The following EHBP1 variants were observed in gnomAD, a reference collection of about 807,000 sequenced individuals.
EHBP1 encodes the protein EH domain-binding protein 1.
In EHBP1, 55 loss-of-function variants were observed where a neutral mutation model predicts 144.0. That is an observed-to-expected ratio of 0.38 (90% CI 0.31 to 0.48). The LOEUF is 0.48. EHBP1 is among the 20% of genes least tolerant of loss of function. EHBP1 has a pLI of 0.98. For synonymous variants in EHBP1, 469 were observed against 472.7 expected, an observed-to-expected ratio of 0.99 and a Z score of 0.10; for missense variants, 1,200 against 1,364.2, an observed-to-expected ratio of 0.88 and a Z score of 1.90.
At chr2:62,780,761 A>C (rs2042367781) in intron 5 of EHBP1, among the ~76,000 whole-genome samples, 1 of 152,222 alleles carries the variant, frequency 6.6e-6, no homozygotes, top group Non-Finnish European at 1.5e-5. Flanking sequence ...AATTTATTTC[A>C]CATAGCAGTT....
At chr2:62,866,090 C>G (rs1292119745) in intron 9 of EHBP1, among the ~76,000 whole-genome samples, 1 of 152,200 alleles carries the variant, frequency 6.6e-6, no homozygotes, top group Admixed American at 6.5e-5. Context: ...TGTGTTCCCA[C>G]CAGCCAGAAA....
At position 62,943,850 on chromosome 2, in the gene EHBP1, G is replaced by A; in HGVS notation, c.1413G>A (p.Lys471=). Residue 471 remains lysine, a splice_region_variant and synonymous_variant, in exon 12 of 23, where the codon AAG becomes AAA. Coordinates refer to ENST00000431489, the MANE Select transcript of EHBP1 (RefSeq NM_001142616.3). ...NPQDIKENNK[K]AYDGFASIGI... ...AAGATATTAAAGAGAACAACAAAAA[G>A]GTAAGAATTGATGAGCAAGAAAAAT... 6.2e-7 allele frequency: 1 copy of A among 1,600,376 alleles called. No individual in the cohort carries two copies. Among genetic ancestry groups the A allele is most frequent in the Non-Finnish European group, 8.5e-7 (1 of 1,171,768 alleles).
intron 10 of EHBP1, among the ~76,000 whole-genome samples, chr2:62,935,285 T>C (rs1468989207): frequency 6.8e-6 from 1 of 146,556 alleles, no homozygotes; most frequent in East Asian, 2.0e-4. Context: ...GCCAAGATCG[T>C]GCCAGTGCAC....
At chr2:62,903,675 A>G (rs749333628) in intron 10 of EHBP1, among the ~76,000 whole-genome samples, 12 of 152,090 alleles carry the variant, frequency 7.9e-5, no homozygotes, top group Non-Finnish European at 1.6e-4. Context: ...CTGAGGCTAG[A>G]GGATTGCTTG....
At chr2:62,741,124 C>A (rs988458283) in intron 2 of EHBP1, among the ~76,000 whole-genome samples, 2 of 152,100 alleles carry the variant, frequency 1.3e-5, no homozygotes, top group Admixed American at 6.6e-5. Flanking sequence ...ACTATGCCCT[C>A]CTCTCTGTTC....
At chr2:62,675,690 A>G (rs1407041790) in intron 1 of EHBP1, among the ~76,000 whole-genome samples, 1 of 152,012 alleles carries the variant, frequency 6.6e-6, no homozygotes, top group Non-Finnish European at 1.5e-5. Context: ...AGAAGGAAGA[A>G]CCCATGGAGA....
chr2:62,870,811 A>G (rs2050420749), intron 9 of EHBP1, among the ~76,000 whole-genome samples: 1 of 150,610 alleles, frequency 6.6e-6, no homozygotes, highest in Non-Finnish European at 1.5e-5. Flanking sequence ...GAGAAAATTG[A>G]CTTGTTTTCT....
Position 62,706,924 on chromosome 2 carries a change from C to T in EHBP1, c.-268C>T, listed in dbSNP as rs2034649713. 2.6e-6 allele frequency: 1 copy of T among 380,008 alleles called. No individual in the cohort carries two copies. The highest frequency in any genetic ancestry group is 2.0e-5 in the African/African-American group (1 of 49,136). 23.5% of individuals were successfully genotyped at this position (380,008 alleles called of 1,614,324 possible). On this transcript the variant is annotated 5_prime_UTR_variant, in exon 2 of 23. Coordinates refer to ENST00000431489, the MANE Select transcript of EHBP1 (RefSeq NM_001142616.3). ...CTCCAGAATACCCATCATATAGCCC[C>T]TGAGGTGGCATGGTGATGTCTCCAT... is the stretch of plus-strand genomic sequence containing the variant.
At chr2:62,991,841 A>G (rs1036617447) in intron 16 of EHBP1, among the ~76,000 whole-genome samples, 12 of 152,176 alleles carry the variant, frequency 7.9e-5, no homozygotes, top group Non-Finnish European at 1.8e-4. Flanking sequence ...GTCCCAAAAC[A>G]ATGACTTTCA....
chr2:62,831,344 C>T (rs1368345777), intron 7 of EHBP1, among the ~76,000 whole-genome samples, 186 bp downstream of exon 7: 6 of 151,910 alleles, frequency 3.9e-5, no homozygotes, highest in Non-Finnish European at 7.4e-5. Context: ...TAGATTTTAG[C>T]AGTTTGAGAT....
At chr2:62,949,479 A>G (rs1019327878) in intron 13 of EHBP1, among the ~76,000 whole-genome samples, 3 of 152,158 alleles carry the variant, frequency 2.0e-5, no homozygotes, top group Non-Finnish European at 4.4e-5. Flanking sequence ...AAAAATCCCA[A>G]TTTCAACACT....
chr2:62,797,242 C>T (rs1358189091), intron 5 of EHBP1, among the ~76,000 whole-genome samples: 1 of 152,140 alleles, frequency 6.6e-6, no homozygotes, highest in Non-Finnish European at 1.5e-5. Context: ...CGTGCAGCAA[C>T]CTGGTGGTAG....
chr2:62,755,646 G>A (rs145157545), intron 3 of EHBP1, among the ~76,000 whole-genome samples: 2 of 152,236 alleles, frequency 1.3e-5, no homozygotes, highest in African/African-American at 4.8e-5. Flanking sequence ...TAAAGCATAT[G>A]TTTATAGTTT....
chr2:62,711,722 T>C lies in EHBP1; in HGVS notation c.104+4427T>C, dbSNP rs77982005. Among the ~76,000 whole-genome samples the C allele has an allele frequency of 5.3e-3, 800 of 151,954 alleles. 9 individuals carry two copies. Among genetic ancestry groups the C allele is most frequent in the African/African-American group, 0.018 (737 of 41,416 alleles). ...AAAGGAGACAGGAAACAAGCAGTAG[T>C]GAGATAGGAAAATTGGGAGAGCGTG... is the stretch of plus-strand genomic sequence containing the variant. On this transcript the variant is annotated intron_variant, in intron 2 of 22. Coordinates refer to ENST00000431489, the MANE Select transcript of EHBP1 (RefSeq NM_001142616.3).
At chr2:62,963,049 A>G (rs1473677445) in intron 14 of EHBP1, among the ~76,000 whole-genome samples, 1 of 152,214 alleles carries the variant, frequency 6.6e-6, no homozygotes, top group Non-Finnish European at 1.5e-5. Context: ...AAAGACCTGA[A>G]GGAACGTTTG....
intron 21 of EHBP1, among the ~76,000 whole-genome samples, chr2:63,041,612 AC>A (rs2061662719): frequency 6.6e-6 from 1 of 152,054 alleles, no homozygotes; most frequent in African/African-American, 2.4e-5. Context: ...ATCCCCTAAA[AC>A]CCCATTTGTA....
At chr2:62,971,752 G>A (rs1170520998) in intron 14 of EHBP1, among the ~76,000 whole-genome samples, 1 of 152,148 alleles carries the variant, frequency 6.6e-6, no homozygotes, top group African/African-American at 2.4e-5. Context: ...AGCACACAGG[G>A]CACAGAACTA....
At chr2:62,734,935 C>T (rs894264121) in intron 2 of EHBP1, among the ~76,000 whole-genome samples, 4 of 152,194 alleles carry the variant, frequency 2.6e-5, no homozygotes, top group Admixed American at 2.0e-4. Flanking sequence ...AGGTCTCACT[C>T]TGTCACCCAG....
intron 3 of EHBP1, among the ~76,000 whole-genome samples, chr2:62,757,473 G>A (rs1336124009): frequency 2.4e-5 from 3 of 125,958 alleles, no homozygotes; most frequent in Admixed American, 1.0e-4. Context: ...TTGCTCTGTC[G>A]CCCAGGCTGG....
Sources: allele counts gnomAD v4.1 joint callset (sites outside exome capture counted in the v4.1 genomes callset), GRCh38; gene constraint gnomAD v4.1.1; transcripts MANE v1.5; gene names NCBI Gene and HGNC (gene_info 2026-07-23, HGNC 2026-07-21).